EPB41L1: variants seen among roughly 807,000 people sequenced by gnomAD.
EPB41L1 encodes the protein erythrocyte membrane protein band 4.1 like 1.
A neutral mutation model predicts 97.8 loss-of-function variants in EPB41L1; 29 were observed. The observed-to-expected ratio is 0.30, with a 90% confidence interval of 0.22 to 0.40. The LOEUF is 0.40. Ranked by LOEUF, EPB41L1 falls within the 10% of genes least tolerant of loss-of-function variation. EPB41L1 has a pLI of 1.00. For synonymous variants in EPB41L1, 383 were observed against 459.2 expected, an observed-to-expected ratio of 0.83 and a Z score of 2.12; for missense variants, 812 against 1,162.3, an observed-to-expected ratio of 0.70 and a Z score of 4.38.
intron 2 of EPB41L1, among the ~76,000 whole-genome samples, chr20:36,121,494 C>T (rs1267817390): frequency 6.6e-6 from 1 of 152,164 alleles, no homozygotes; most frequent in Non-Finnish European, 1.5e-5. Flanking sequence ...TAGGCTGGTT[C>T]TTGCCTCTCT....
chr20:36,138,509 G>A (rs1178082923), intron 2 of EPB41L1, among the ~76,000 whole-genome samples: 1 of 152,058 alleles, frequency 6.6e-6, no homozygotes, highest in East Asian at 1.9e-4. Flanking sequence ...TGATCTGCCC[G>A]CCTCAGCCTC....
rs1172293118 is a variant in EPB41L1, at chr20:36,173,911, A to G, written c.134A>G (p.Asn45Ser). ...AGHGHPEANSNEKHPSQQDTR... is the reference protein window; with the variant it reads ...AGHGHPEANSSEKHPSQQDTR... ...CACGGCCACCCAGAGGCCAACTCCAATGAGAAGCATCCATCCCAGCAGGAC... is the reference window on the plus strand; with the variant it reads ...CACGGCCACCCAGAGGCCAACTCCAGTGAGAAGCATCCATCCCAGCAGGAC... Residue 45 changes from asparagine (N) to serine (S), a missense_variant, in exon 2 of 22, where the codon AAT becomes AGT. Coordinates refer to ENST00000338074, the MANE Select transcript of EPB41L1 (RefSeq NM_012156.2). 8.1e-6 allele frequency: 13 copies of G among 1,613,748 alleles called. No homozygotes were observed. The highest frequency in any genetic ancestry group is 1.0e-5 in the Non-Finnish European group (12 of 1,179,902).
At chr20:36,160,846 A>G (rs974212369) in intron 1 of EPB41L1, among the ~76,000 whole-genome samples, 4 of 152,234 alleles carry the variant, frequency 2.6e-5, no homozygotes, top group African/African-American at 9.6e-5. Context: ...AATTTTTGCA[A>G]TAGGTATGTT....
chr20:36,213,962 G>A (rs865845487), intron 16 of EPB41L1, among the ~76,000 whole-genome samples: 8 of 151,776 alleles, frequency 5.3e-5, no homozygotes, highest in African/African-American at 1.5e-4. Context: ...GATTTATTTC[G>A]CTGTCTCCCA....
chr20:36,102,861 C>T (rs1028292164), intron 1 of EPB41L1, among the ~76,000 whole-genome samples: 19 of 152,296 alleles, frequency 1.2e-4, no homozygotes, highest in Admixed American at 9.8e-4. Flanking sequence ...GACCTCTGTT[C>T]AGAGCTGGAC....
chr20:36,171,054 C>A (rs2060966373), intron 1 of EPB41L1, among the ~76,000 whole-genome samples: 1 of 151,864 alleles, frequency 6.6e-6, no homozygotes, highest in South Asian at 2.1e-4. Flanking sequence ...GTGGAAGTGT[C>A]TCCCGGCTGT....
chr20:36,150,062 G>GTT, upstream of EPB41L1, among the ~76,000 whole-genome samples: 1 of 150,334 alleles, frequency 6.7e-6, no homozygotes, highest in African/African-American at 2.5e-5. Context: ...CATTCATAAG[G>GTT]TTTTTTTGTT....
At position 36,222,260 on chromosome 20, in the gene EPB41L1, G is replaced by A; in HGVS notation, c.2521-18G>A. 6.3e-7 allele frequency: 1 copy of A among 1,595,728 alleles called. No individual in the cohort carries two copies. The highest frequency in any genetic ancestry group is 8.6e-7 in the Non-Finnish European group (1 of 1,163,364). ...TGGATAGTTCATGGTTCCTTCCTTTGCTGTTCTTTACCACCAGGCCCTGGC... is the reference window on the plus strand; with the variant it reads ...TGGATAGTTCATGGTTCCTTCCTTTACTGTTCTTTACCACCAGGCCCTGGC... On this transcript the variant is annotated intron_variant, in intron 20 of 21. Transcript: ENST00000338074.
chr20:36,219,280 C>T (rs1473545258), intron 18 of EPB41L1, among the ~76,000 whole-genome samples: 2 of 152,196 alleles, frequency 1.3e-5, no homozygotes, highest in African/African-American at 4.8e-5. Context: ...GAGCAATGGA[C>T]TAGGAGGCCA....
At chr20:36,142,736 G>A (rs1040522880) in intron 2 of EPB41L1, among the ~76,000 whole-genome samples, 6 of 152,142 alleles carry the variant, frequency 3.9e-5, no homozygotes, top group Non-Finnish European at 7.4e-5. Flanking sequence ...TTACCTGCCC[G>A]GGCTGTGCTG....
In EPB41L1 at chr20:36,215,550, A is replaced by G. The variant is rs367707498; in HGVS notation, c.2268+1110A>G. Among the ~76,000 whole-genome samples the G allele has an allele frequency of 2.9e-4, 44 of 152,338 alleles. No individual in the cohort carries two copies. In the East Asian group the frequency reaches 3.9e-3, roughly 13 times the overall value. ...TGAATACACAGAAATTTTAAAATCA[A>G]TAAGTCCAAACTAGTTACCAGCTTG... On this transcript the variant is annotated intron_variant, in intron 17 of 21. Transcript: ENST00000338074.
chr20:36,154,171 G>C (rs961279283), upstream of EPB41L1, among the ~76,000 whole-genome samples: 2 of 152,262 alleles, frequency 1.3e-5, no homozygotes, highest in South Asian at 4.1e-4. This position sits in a 1 kb window ranked among gnomAD's most constrained non-coding sequence, Gnocchi z 5.5. Flanking sequence ...CTCCCGGTGG[G>C]GGAGGACGCC....
Position 36,209,922 on chromosome 20 carries a change from C to A in EPB41L1, c.2079+24C>A, listed in dbSNP as rs1202106606. ...AGGTACAGTGGAGCTTCCTCAAGAG[C>A]CAGGCCCGCTGGGCACCGCATGCTC... is the stretch of plus-strand genomic sequence containing the variant. On this transcript the variant is annotated intron_variant, in intron 15 of 21. Coordinates refer to ENST00000338074, the MANE Select transcript of EPB41L1 (RefSeq NM_012156.2). The surrounding 1 kb of genome is among the most constrained non-coding windows in gnomAD (Gnocchi z 4.2). The A allele has an allele frequency of 6.2e-7, 1 of 1,611,428 alleles. No individual in the cohort carries two copies. Among genetic ancestry groups the A allele is most frequent in the Non-Finnish European group, 8.5e-7 (1 of 1,179,402 alleles).
intron 1 of EPB41L1, among the ~76,000 whole-genome samples, chr20:36,105,158 A>T (rs898425961): frequency 1.3e-5 from 2 of 152,196 alleles, no homozygotes; most frequent in African/African-American, 4.8e-5. Context: ...CCAAGCAGCA[A>T]GAGACATGAC....
Position 36,230,770 on chromosome 20 carries a change from C to T in EPB41L1, c.*1430C>T, listed in dbSNP as rs1489368702. ...GGTTTTCAGTCTTCTCTCTCTTTCT[C>T]TCTTTTTTTTTTTTTTGCCACATTC... On this transcript the variant is annotated 3_prime_UTR_variant, in exon 22 of 22. Coordinates refer to ENST00000338074, the MANE Select transcript of EPB41L1 (RefSeq NM_012156.2). The T allele has an allele frequency of 6.6e-6, 1 of 151,368 alleles. No homozygotes were observed. Among genetic ancestry groups the T allele is most frequent in the African/African-American group, 2.5e-5 (1 of 40,806 alleles). 9.4% of individuals were successfully genotyped at this position (151,368 alleles called of 1,614,324 possible).
intron 1 of EPB41L1, among the ~76,000 whole-genome samples, chr20:36,111,685 A>G (rs1467340398): frequency 5.3e-5 from 8 of 151,544 alleles, no homozygotes. Flanking sequence ...TACTTGGGAG[A>G]CTGAGATAGG....
intron 14 of EPB41L1, among the ~76,000 whole-genome samples, chr20:36,203,022 G>A (rs1472760870): frequency 6.6e-6 from 1 of 152,126 alleles, no homozygotes; most frequent in Non-Finnish European, 1.5e-5. Flanking sequence ...GGCAGGGGGC[G>A]CTCTGAGCAA....
At chr20:36,156,611 C>T (rs1013154462) in intron 1 of EPB41L1, among the ~76,000 whole-genome samples, 9 of 152,302 alleles carry the variant, frequency 5.9e-5, no homozygotes, top group African/African-American at 2.2e-4. Flanking sequence ...ATAGACAGGA[C>T]TCTGCCAAGG....
chr20:36,150,070 GTT>G (rs112537871), upstream of EPB41L1, among the ~76,000 whole-genome samples: 3 of 141,542 alleles, frequency 2.1e-5, no homozygotes, highest in Admixed American at 7.1e-5. Context: ...AGGTTTTTTT[GTT>G]TTTTTTTTTT....
Sources: allele counts gnomAD v4.1 joint callset (sites outside exome capture counted in the v4.1 genomes callset), GRCh38; gene constraint gnomAD v4.1.1; non-coding constraint Gnocchi (gnomAD v3.1); transcripts MANE v1.5; gene names NCBI Gene and HGNC (gene_info 2026-07-23, HGNC 2026-07-21).